ANXA8: variants seen among roughly 807,000 people sequenced by gnomAD.
The protein encoded by ANXA8 is VAC-beta.
Under a neutral mutation model 26.8 loss-of-function variants are expected in ANXA8, and 9 were observed. The ratio of observed to expected loss-of-function variants is 0.34; its 90% confidence interval spans 0.20 to 0.59. ANXA8 has a LOEUF of 0.59. ANXA8 is among the 20% of genes least tolerant of loss of function. The pLI is 0.84. For missense variants in ANXA8, 83 were observed against 238.5 expected (o/e 0.35, Z 4.29); for synonymous variants, 39 against 94.8 (o/e 0.41, Z 3.42).
At chr10:47,733,143 A>ATCTTTCTT in the ANXA8 span, among the ~76,000 whole-genome samples, 1,056 of 97,760 alleles carry the variant, frequency 0.011, 21 homozygotes, top group Middle Eastern at 0.017. Flanking sequence ...CAACTCCCTA[A>ATCTTTCTT]TCTTTCTTTC....
At chr10:47,726,632 A>G in the ANXA8 span, among the ~76,000 whole-genome samples, 2 of 152,284 alleles carry the variant, frequency 1.3e-5, no homozygotes, top group African/African-American at 2.4e-5. Flanking sequence ...TATAGAATAA[A>G]TAAAATGTAG....
the ANXA8 span, among the ~76,000 whole-genome samples, chr10:47,620,974 G>C: frequency 1.8e-5 from 2 of 110,142 alleles, 1 homozygote; most frequent in Non-Finnish European, 3.9e-5. Context: ...AAGAGATTTA[G>C]AGCATTTTTC....
chr10:47,932,078 CCTT>C, the ANXA8 span, among the ~76,000 whole-genome samples: 5 of 124,726 alleles, frequency 4.0e-5, no homozygotes, highest in Non-Finnish European at 6.8e-5. Context: ...TCAGGGTAGT[CCTT>C]CTACAAGCCA....
chr10:47,554,173 GCGCC>G, the ANXA8 span, among the ~76,000 whole-genome samples: 2 of 69,778 alleles, frequency 2.9e-5, no homozygotes, highest in East Asian at 3.2e-3. Flanking sequence ...TCGTGGCAGG[GCGCC>G]TGTGGTCCCT....
At chr10:47,566,194 TG>T in the ANXA8 span, among the ~76,000 whole-genome samples, 1 of 152,172 alleles carries the variant, frequency 6.6e-6, no homozygotes, top group East Asian at 1.9e-4. Context: ...ACAGTGCGGG[TG>T]GTCCTCGAGC....
chr10:47,717,994 T>C, the ANXA8 span, among the ~76,000 whole-genome samples: 8 of 64,432 alleles, frequency 1.2e-4, no homozygotes, highest in Non-Finnish European at 1.9e-4. Flanking sequence ...CAATACTCTG[T>C]CTCAAAAAAA....
chr10:47,556,027 A>G, the ANXA8 span, among the ~76,000 whole-genome samples: 1 of 152,100 alleles, frequency 6.6e-6, no homozygotes, highest in African/African-American at 2.4e-5. Context: ...TACAGGATGG[A>G]GAGAAGAGGC....
chr10:47,743,327 T>TACATATATATATAC, the ANXA8 span, among the ~76,000 whole-genome samples: 199 of 40,322 alleles, frequency 4.9e-3, 28 homozygotes, highest in Non-Finnish European at 9.6e-3. Flanking sequence ...TATATATATA[T>TACATATATATATAC]ACATATATAT....
the ANXA8 span, among the ~76,000 whole-genome samples, chr10:47,969,789 C>A: frequency 0.07 from 10,555 of 150,048 alleles, 3 homozygotes; most frequent in African/African-American, 0.24. Flanking sequence ...GACGGTAACT[C>A]ACTGCAGGCT....
chr10:47,762,295 C>T, the ANXA8 span, among the ~76,000 whole-genome samples: 2 of 151,488 alleles, frequency 1.3e-5, no homozygotes, highest in African/African-American at 4.9e-5. Context: ...TAGGAGGCTT[C>T]GCCCCGGGGG....
chr10:47,968,010 C>T, the ANXA8 span, among the ~76,000 whole-genome samples: 8 of 151,208 alleles, frequency 5.3e-5, no homozygotes, highest in African/African-American at 1.9e-4. Context: ...AGCTGGAATG[C>T]TTTACACTTC....
the ANXA8 span, among the ~76,000 whole-genome samples, chr10:47,691,666 A>G: frequency 6.6e-6 from 1 of 150,502 alleles, no homozygotes; most frequent in East Asian, 1.9e-4. Context: ...GGCTGACATG[A>G]GAGGATTGCT....
chr10:47,974,229 CA>C, the ANXA8 span, among the ~76,000 whole-genome samples: 2 of 149,450 alleles, frequency 1.3e-5, 1 homozygote, highest in African/African-American at 4.9e-5. Flanking sequence ...TCTTCATCTG[CA>C]AATGAAGATG....
chr10:47,929,008 CTT>C, the ANXA8 span, among the ~76,000 whole-genome samples: 1 of 136,432 alleles, frequency 7.3e-6, no homozygotes, highest in African/African-American at 2.8e-5. Context: ...TTTTTTTTTC[CTT>C]TTTTGTAGAG....
the ANXA8 span, among the ~76,000 whole-genome samples, chr10:47,673,621 G>A: frequency 4.0e-5 from 6 of 151,680 alleles, no homozygotes; most frequent in African/African-American, 4.9e-5. Context: ...AACTCTGACC[G>A]TGGCGCTTAA....
At chr10:47,756,624 C>G in the ANXA8 span, among the ~76,000 whole-genome samples, 1 of 152,256 alleles carries the variant, frequency 6.6e-6, no homozygotes, top group East Asian at 1.9e-4. Flanking sequence ...AGTGGAAGGT[C>G]TGGATCCTGC....
At chr10:47,522,785 GA>G in the ANXA8 span, 2 of 241,080 alleles carry the variant, frequency 8.3e-6, no homozygotes, top group South Asian at 6.3e-5. Flanking sequence ...TTTTTATTGA[GA>G]AAAGGAAGAG....
At chr10:47,668,862 G>T in the ANXA8 span, among the ~76,000 whole-genome samples, 1 of 151,382 alleles carries the variant, frequency 6.6e-6, no homozygotes, top group East Asian at 1.9e-4. Flanking sequence ...ACTCTAGGGT[G>T]ATCTATCTGT....
the ANXA8 span, among the ~76,000 whole-genome samples, chr10:47,665,857 A>G: frequency 1.3e-5 from 2 of 151,818 alleles, no homozygotes; most frequent in African/African-American, 4.9e-5. Context: ...GTTTTATAAC[A>G]AAGTATAACT....
Sources: allele counts gnomAD v4.1 joint callset (sites outside exome capture counted in the v4.1 genomes callset), GRCh38; gene constraint gnomAD v4.1.1; transcripts MANE v1.5; gene names NCBI Gene and HGNC (gene_info 2026-07-23, HGNC 2026-07-21).